RELN: variants seen among roughly 807,000 people sequenced by gnomAD.
RELN encodes reelin.
In RELN, 108 loss-of-function variants were observed where a neutral mutation model predicts 427.6. That is an observed-to-expected ratio of 0.25 (90% CI 0.22 to 0.30). The LOEUF (loss-of-function observed/expected upper bound fraction) is 0.30. RELN is among the 10% of genes least tolerant of loss of function. The pLI is 1.00. For synonymous variants in RELN, 1,524 were observed against 1,513.4 expected (o/e 1.01, Z -0.16); for missense variants, 3,715 against 4,302.8 (o/e 0.86, Z 3.82).
chr7:103,611,558 T>A, intron 21 of RELN, 53 bp downstream of exon 21: 5 of 1,371,772 alleles, frequency 3.6e-6, no homozygotes, highest in South Asian at 1.3e-5. Flanking sequence ...TTTGGCTTCC[T>A]AGGTAAAAGG....
In RELN at chr7:103,928,010, A is replaced by ATT. The variant is rs66776547; in HGVS notation, c.227-10827_227-10826dup. Among the ~76,000 whole-genome samples, 149 of 151,908 alleles carry ATT rather than the reference A, an allele frequency of 9.8e-4. 1 individual carries two copies. In the Middle Eastern group the frequency reaches 0.017, roughly 17 times the overall value. The stretch of plus-strand genomic sequence containing the variant: ...GCACATATTTGGTTTTGATTTGTTG[A>ATT]TTTTTTTTATTTTAGAAAACTGATC... On this transcript the variant is annotated intron_variant, in intron 1 of 64. Coordinates refer to ENST00000428762, the MANE Select transcript of RELN (RefSeq NM_005045.4).
chr7:103,623,910 C>G (rs1398543190), intron 20 of RELN, among the ~76,000 whole-genome samples: 1 of 152,068 alleles, frequency 6.6e-6, no homozygotes, highest in Admixed American at 6.5e-5. Context: ...CCTGATGGTC[C>G]TTATAACCTA....
At chr7:103,656,311 G>C (rs1351304093) in intron 12 of RELN, among the ~76,000 whole-genome samples, 1 of 152,074 alleles carries the variant, frequency 6.6e-6, no homozygotes, top group Non-Finnish European at 1.5e-5. Flanking sequence ...TGGCATATCT[G>C]AGTATACATC....
chr7:103,811,068 A>AT (rs1205256318), intron 3 of RELN, among the ~76,000 whole-genome samples: 5 of 152,198 alleles, frequency 3.3e-5, no homozygotes, highest in African/African-American at 9.6e-5. Context: ...TCAATTATTT[A>AT]TTTTTTAGAA....
At chr7:103,498,463 TG>T (rs778001873) in intron 53 of RELN, among the ~76,000 whole-genome samples, 5 of 151,660 alleles carry the variant, frequency 3.3e-5, no homozygotes, top group South Asian at 2.1e-4. Context: ...GTTTAATAAT[TG>T]AAATTTAAAA....
intron 19 of RELN, among the ~76,000 whole-genome samples, chr7:103,631,286 CTTTTTTT>C (rs545808640): frequency 8.2e-4 from 64 of 77,810 alleles, no homozygotes; most frequent in Admixed American, 2.6e-3. Context: ...AAAAACACTT[CTTTTTTT>C]TTTTTTTTTT....
At chr7:103,592,137 C>G (rs895376935) in intron 27 of RELN, among the ~76,000 whole-genome samples, 1 of 152,036 alleles carries the variant, frequency 6.6e-6, no homozygotes, top group African/African-American at 2.4e-5. Context: ...CTTTGTCACC[C>G]AGGTAATAAG....
intron 46 of RELN, among the ~76,000 whole-genome samples, chr7:103,526,919 G>A (rs2299334): frequency 0.06 from 9,147 of 152,160 alleles, 405 homozygotes; most frequent in East Asian, 0.17. Flanking sequence ...TGGTCCCAGA[G>A]AAGATTTCTC....
At chr7:103,958,611 G>A (rs910872545) in intron 1 of RELN, among the ~76,000 whole-genome samples, 2 of 152,066 alleles carry the variant, frequency 1.3e-5, no homozygotes, top group African/African-American at 2.4e-5. Context: ...GTGTATGGGT[G>A]TACTTTTTGT....
At chr7:103,500,644 AC>A in intron 53 of RELN, 100 bp downstream of exon 53, 1 of 1,167,118 alleles carries the variant, frequency 8.6e-7, no homozygotes. Context: ...TTCCTGGGGG[AC>A]CCAAAGGACA....
chr7:103,840,812 T>C (rs2116431979), intron 2 of RELN, among the ~76,000 whole-genome samples: 1 of 152,304 alleles, frequency 6.6e-6, no homozygotes, highest in African/African-American at 2.4e-5. Flanking sequence ...ACATTCTGCT[T>C]TCCCTGCTGC....
At position 103,716,174 on chromosome 7, in the gene RELN, G is replaced by A. The variant is rs551274895; in HGVS notation, c.805+6966C>T. 7.9e-5 allele frequency among the ~76,000 whole-genome samples: 12 copies of A among 152,266 alleles called. No homozygotes were observed. In the East Asian group the frequency reaches 2.1e-3, roughly 27 times the overall value. ...CTCTGGTGGTACCATGCCTGCTCTT[G>A]TCAATCTCTTTCCCAAATAATGAAG... On this transcript the variant is annotated intron_variant, in intron 8 of 64. Transcript: ENST00000428762.
intron 4 of RELN, among the ~76,000 whole-genome samples, chr7:103,761,752 G>A (rs556468308): frequency 6.6e-6 from 1 of 152,210 alleles, no homozygotes; most frequent in East Asian, 1.9e-4. Flanking sequence ...CACCATGCCT[G>A]GCCAAATTTT....
chr7:103,806,328 T>C (rs1412961286), intron 3 of RELN, among the ~76,000 whole-genome samples: 3 of 152,036 alleles, frequency 2.0e-5, no homozygotes, highest in Non-Finnish European at 4.4e-5. Flanking sequence ...ACTTTCTTTC[T>C]TTTTTCTTTT....
chr7:103,708,464 C>CTTTTTTTTTTTT (rs745955015), intron 8 of RELN, among the ~76,000 whole-genome samples: 2,382 of 109,630 alleles, frequency 0.022, 254 homozygotes, highest in African/African-American at 0.053. Context: ...GGGTATGACT[C>CTTTTTTTTTTTT]TTTTTTTTTT....
In RELN at chr7:103,472,688, G is replaced by C. The variant is rs1827894800; in HGVS notation, c.*124C>G. The C allele has an allele frequency of 1.3e-6, 1 of 777,690 alleles. No homozygotes were observed. Among genetic ancestry groups the C allele is most frequent in the African/African-American group, 1.7e-5 (1 of 58,264 alleles). The allele number at this position is 777,690 out of a possible 1,614,324, so 48.2% of individuals were successfully genotyped here. On this transcript the variant is annotated 3_prime_UTR_variant, in exon 65 of 65. Transcript: ENST00000428762. ...AGTGGTGTACACTCGGTCTTGAGAA[G>C]GGCTTTCAGGTAATCACCAAGTCCT...
At chr7:103,720,051 T>C (rs975028286) in intron 8 of RELN, among the ~76,000 whole-genome samples, 1 of 151,958 alleles carries the variant, frequency 6.6e-6, no homozygotes, top group African/African-American at 2.4e-5. Context: ...TGTGTATATG[T>C]ATATATACAC....
In RELN at chr7:103,631,228, T is replaced by C. The variant is rs183393695; in HGVS notation, c.2466-1052A>G. Among the ~76,000 whole-genome samples the C allele has an allele frequency of 5.9e-5, 9 of 151,498 alleles. No individual in the cohort carries two copies. The East Asian group carries it at 1.5e-3, about 26-fold the overall frequency. ...ATATTTTCCAATAGAAGAAAACATA[T>C]TTTCTAAATAAAGGAAAATCCATAT... On this transcript the variant is annotated intron_variant, in intron 19 of 64. Coordinates refer to ENST00000428762, the MANE Select transcript of RELN (RefSeq NM_005045.4).
Position 103,490,654 on chromosome 7 carries a change from A to G in RELN, c.9605+14T>C, listed in dbSNP as rs748000925. 3.7e-6 allele frequency: 6 copies of G among 1,613,920 alleles called. No homozygotes were observed. In the Admixed American group the frequency reaches 1.0e-4, roughly 27 times the overall value. On this transcript the variant is annotated intron_variant, in intron 59 of 64. Transcript: ENST00000428762. Reference sequence around the variant, plus strand: ...CAGATAATTTCACAAAGTTTACCTTAATTTGCAACCTACCTAGAGGAGACA... The same window carrying G: ...CAGATAATTTCACAAAGTTTACCTTGATTTGCAACCTACCTAGAGGAGACA...
Sources: allele counts gnomAD v4.1 joint callset (sites outside exome capture counted in the v4.1 genomes callset), GRCh38; gene constraint gnomAD v4.1.1; transcripts MANE v1.5; gene names NCBI Gene and HGNC (gene_info 2026-07-23, HGNC 2026-07-21).